Variants in KIF16B observed in about 807,000 individuals in gnomAD.
The protein encoded by KIF16B is kinesin family member 16B.
In KIF16B, 98 loss-of-function variants were observed where a neutral mutation model predicts 156.3. That is an observed-to-expected ratio of 0.63 (90% CI 0.53 to 0.74). The LOEUF (loss-of-function observed/expected upper bound fraction) is 0.74, where lower values mean the gene tolerates loss of function less well. Ranked by LOEUF, KIF16B falls within the 30% of genes least tolerant of loss-of-function variation. The probability of loss-of-function intolerance (pLI) is 0.00; values close to 1 mark genes in which losing one functional copy is unlikely to be tolerated. For synonymous variants in KIF16B, 564 were observed against 583.7 expected (o/e 0.97, Z 0.49); for missense variants, 1,421 against 1,606.5 (o/e 0.88, Z 1.97).
chr20:16,280,275 G>A (rs1312072882), intron 25 of KIF16B, among the ~76,000 whole-genome samples: 2 of 152,294 alleles, frequency 1.3e-5, no homozygotes, highest in African/African-American at 2.4e-5. Context: ...AGTCAACAAG[G>A]AGCTGCATGG....
chr20:16,517,336 C>A (rs2069175494), intron 3 of KIF16B, among the ~76,000 whole-genome samples: 1 of 152,240 alleles, frequency 6.6e-6, no homozygotes, highest in African/African-American at 2.4e-5. Context: ...TAAGAGCTGA[C>A]AGTTTTCAAT....
chr20:16,341,965 AG>A (rs2064147336), intron 23 of KIF16B, among the ~76,000 whole-genome samples: 1 of 152,194 alleles, frequency 6.6e-6, no homozygotes, highest in Non-Finnish European at 1.5e-5. Flanking sequence ...GTATATTCGT[AG>A]GTCTTCTGAA....
chr20:16,284,943 G>C (rs1241531165), intron 25 of KIF16B, among the ~76,000 whole-genome samples: 2 of 152,134 alleles, frequency 1.3e-5, no homozygotes, highest in African/African-American at 2.4e-5. Context: ...ACACCCACAG[G>C]CTTGTGCTGT....
intron 25 of KIF16B, among the ~76,000 whole-genome samples, chr20:16,281,512 G>C (rs367882910): frequency 6.6e-6 from 1 of 152,186 alleles, no homozygotes; most frequent in African/African-American, 2.4e-5. Context: ...GATCCATCCA[G>C]TCAAGTCTTC....
chr20:16,345,141 T>A (rs570961752), intron 23 of KIF16B, among the ~76,000 whole-genome samples: 1 of 152,316 alleles, frequency 6.6e-6, no homozygotes, highest in Middle Eastern at 3.4e-3. Context: ...AAAATGTACA[T>A]CTGCCTTGAC....
chr20:16,436,579 G>T (rs1207217157), intron 12 of KIF16B, among the ~76,000 whole-genome samples: 1 of 152,164 alleles, frequency 6.6e-6, no homozygotes, highest in Non-Finnish European at 1.5e-5. Flanking sequence ...GTACAGTGGG[G>T]GGTATTCTGG....
rs1294585737 is a variant in KIF16B, at chr20:16,528,438, T to G, written c.50A>C (p.Glu17Ala). The part of the protein sequence containing the change: ...AVRVRPMNRR[E>A]KDLEAKFIIQ... ...AATGAACTTGGCCTCCAAGTCCTTTTCCCTGCAATACAAATAATTCAGTAG... is the reference window on the plus strand; with the variant it reads ...AATGAACTTGGCCTCCAAGTCCTTTGCCCTGCAATACAAATAATTCAGTAG... Residue 17 changes from glutamate to alanine, a missense_variant and splice_region_variant, in exon 2 of 26, where the codon GAA becomes GCA. Transcript: ENST00000354981. The G allele has an allele frequency of 6.2e-7, 1 of 1,603,934 alleles. No homozygotes were observed. Among genetic ancestry groups the G allele is most frequent in the African/African-American group, 1.3e-5 (1 of 74,756 alleles).
intron 4 of KIF16B, among the ~76,000 whole-genome samples, chr20:16,513,953 A>C (rs2069049797): frequency 6.6e-6 from 1 of 152,164 alleles, no homozygotes; most frequent in Non-Finnish European, 1.5e-5. Flanking sequence ...AAATAAAAGA[A>C]AGCATGACTG....
chr20:16,363,339 A>G (rs1600210811), intron 22 of KIF16B, among the ~76,000 whole-genome samples: 1 of 152,182 alleles, frequency 6.6e-6, no homozygotes. Flanking sequence ...CTCAAATTGA[A>G]TATGTAACTT....
intron 22 of KIF16B, chr20:16,367,267 T>C: frequency 6.2e-7 from 1 of 1,612,830 alleles, no homozygotes; most frequent in Non-Finnish European, 8.5e-7. Context: ...GGTGAACAAC[T>C]GGACATTTGG....
chr20:16,425,342 A>G lies in KIF16B; in HGVS notation c.1612+1762T>C, dbSNP rs2066325117. On this transcript the variant is annotated intron_variant, in intron 15 of 25. Coordinates refer to ENST00000354981, the MANE Select transcript of KIF16B (RefSeq NM_024704.5). ...AAAAACAGACCAAAACCTAGTAAATAAAATCGCAAGCTGTGTGACCCTTTA... is the reference window on the plus strand; with the variant it reads ...AAAAACAGACCAAAACCTAGTAAATGAAATCGCAAGCTGTGTGACCCTTTA... Among the ~76,000 whole-genome samples, 4 of 152,158 alleles carry G rather than the reference A, an allele frequency of 2.6e-5. No homozygotes were observed. In the South Asian group the frequency reaches 8.3e-4, roughly 32 times the overall value.
intron 18 of KIF16B, 134 bp downstream of exon 18, chr20:16,381,560 G>T: frequency 8.8e-6 from 4 of 456,644 alleles, no homozygotes; most frequent in Non-Finnish European, 1.5e-5. Context: ...GCAGTCATTA[G>T]ACATGTAAAT....
At chr20:16,557,269 C>T (rs2070887220) in intron 1 of KIF16B, among the ~76,000 whole-genome samples, 1 of 151,972 alleles carries the variant, frequency 6.6e-6, no homozygotes, top group Non-Finnish European at 1.5e-5. Context: ...CAACCTCCGC[C>T]TCCCAGGTTC....
At chr20:16,434,533 T>A (rs1309699975) in intron 12 of KIF16B, among the ~76,000 whole-genome samples, 3 of 152,218 alleles carry the variant, frequency 2.0e-5, no homozygotes, top group Admixed American at 1.3e-4. Flanking sequence ...AAAGTCTACC[T>A]GGGATCTAGA....
At chr20:16,560,515 T>C (rs1012738682) in intron 1 of KIF16B, among the ~76,000 whole-genome samples, 11 of 152,118 alleles carry the variant, frequency 7.2e-5, no homozygotes, top group African/African-American at 2.4e-4. Context: ...CTCTTAAAAG[T>C]TTAAAATCTT....
In KIF16B at chr20:16,379,899, G is replaced by T. The variant is rs2065050972; in HGVS notation, c.2103C>A (p.Thr701=). 1 of 1,614,072 alleles carries T rather than the reference G, an allele frequency of 6.2e-7. No individual in the cohort carries two copies. Among genetic ancestry groups the T allele is most frequent in the African/African-American group, 1.3e-5 (1 of 74,920 alleles). The change falls in exon 19 of 26, where the codon ACC becomes ACA. Residue 701 remains threonine (T), a synonymous_variant. Coordinates refer to ENST00000354981, the MANE Select transcript of KIF16B (RefSeq NM_024704.5). ...GGAGTTCTTCTTGGACGCGGAGAAAGGTCTCTTCTTCTTGTCTCTTCTTCT... is the reference window on the plus strand; with the variant it reads ...GGAGTTCTTCTTGGACGCGGAGAAATGTCTCTTCTTCTTGTCTCTTCTTCT... ...ELQKKRQEEE[T]FLRVQEELQR...
intron 12 of KIF16B, among the ~76,000 whole-genome samples, chr20:16,454,357 T>C (rs1026518253): frequency 3.4e-5 from 5 of 148,936 alleles, no homozygotes; most frequent in African/African-American, 1.2e-4. Context: ...TTTTAAATTA[T>C]ATATATTTAT....
intron 1 of KIF16B, among the ~76,000 whole-genome samples, chr20:16,567,759 G>A (rs1009159564): frequency 9.9e-5 from 15 of 152,106 alleles, no homozygotes; most frequent in African/African-American, 3.6e-4. Context: ...GACCATCCTG[G>A]CTAACACAGT....
intron 15 of KIF16B, among the ~76,000 whole-genome samples, chr20:16,424,669 T>C (rs2066309516): frequency 6.6e-6 from 1 of 152,088 alleles, no homozygotes; most frequent in East Asian, 1.9e-4. Context: ...GGCATCAGCA[T>C]GAGAGTGGAG....
Sources: gnomAD v4.1 joint callset for allele counts (sites outside exome capture counted in the v4.1 genomes callset) on GRCh38, gnomAD v4.1.1 for gene constraint, MANE v1.5 for transcripts, NCBI Gene and HGNC (gene_info 2026-07-23, HGNC 2026-07-21) for gene names.